Variants in SRGAP2 observed in about 807,000 individuals in gnomAD.
SRGAP2 encodes the protein SLIT-ROBO Rho GTPase-activating protein 2.
A neutral mutation model predicts 57.2 loss-of-function variants in SRGAP2; 15 were observed. That is an observed-to-expected ratio of 0.26 (90% CI 0.18 to 0.40). The LOEUF is 0.40. Among genes scored for constraint, SRGAP2 ranks in the 10% least tolerant of loss-of-function variants. The pLI is 1.00. For missense variants in SRGAP2, 520 were observed against 669.6 expected (o/e 0.78, Z 2.47); for synonymous variants, 249 against 248.0 (o/e 1.00, Z -0.04).
chr1:206,353,798 A>ATTT (rs566625693), intron 4 of SRGAP2, among the ~76,000 whole-genome samples: 76 of 127,294 alleles, frequency 6.0e-4, no homozygotes, highest in African/African-American at 1.9e-3. Flanking sequence ...TTTATTTCAG[A>ATTT]TTTTTTTTTT....
At chr1:206,240,322 C>G (rs1375347933) in intron 2 of SRGAP2, among the ~76,000 whole-genome samples, 2 of 149,022 alleles carry the variant, frequency 1.3e-5, no homozygotes, top group African/African-American at 4.9e-5. Context: ...GGGTTTTATT[C>G]TGAACTGTGT....
At position 206,306,993 on chromosome 1, in the gene SRGAP2, T is replaced by G; in HGVS notation, c.260+3520T>G. On this transcript the variant is annotated intron_variant, in intron 3 of 22. Transcript: ENST00000573034. ...CTTGAGCTAAACACAGGGTGCTGAT[T>G]GGTGTATTTACAAACCTTGAGCTAG... is the stretch of plus-strand genomic sequence containing the variant. 2.0e-5 allele frequency among the ~76,000 whole-genome samples: 3 copies of G among 151,500 alleles called. No individual in the cohort carries two copies. The South Asian group carries it at 6.3e-4, about 32-fold the overall frequency.
At chr1:206,223,013 A>T (rs1186831048) in intron 2 of SRGAP2, among the ~76,000 whole-genome samples, 1 of 151,378 alleles carries the variant, frequency 6.6e-6, no homozygotes, top group Non-Finnish European at 1.5e-5. Context: ...ACCTCAAGTG[A>T]TCCTCCCACC....
rs782288908 is a variant in SRGAP2, at chr1:206,464,409, CAAAAT to C, written c.*2996_*3000del. On this transcript the variant is annotated 3_prime_UTR_variant, in exon 23 of 23. Transcript: ENST00000573034. Reference sequence around the variant, plus strand: ...TTGGGGAAAATCCAAAGCACAACTTCAAAATAAAATACATTTTTAGGTTTCGATGC... The same window carrying C: ...TTGGGGAAAATCCAAAGCACAACTTCAAAATACATTTTTAGGTTTCGATGC... The C allele has an allele frequency of 2.0e-5, 3 of 152,608 alleles. No individual in the cohort carries two copies. The highest frequency in any genetic ancestry group is 4.4e-5 in the Non-Finnish European group (3 of 68,032). 9.5% of individuals were successfully genotyped at this position (152,608 alleles called of 1,614,324 possible). A position where few individuals can be genotyped will look rare whatever the true frequency, so the allele number is the denominator to read the frequency against.
chr1:206,331,579 T>C (rs1313430346), intron 3 of SRGAP2, among the ~76,000 whole-genome samples: 1 of 150,172 alleles, frequency 6.7e-6, no homozygotes, highest in East Asian at 2.0e-4. Flanking sequence ...TCTTTGTCTC[T>C]TTTGATCTTT....
intron 11 of SRGAP2, 109 bp downstream of exon 11, chr1:206,416,082 A>C: frequency 3.2e-6 from 2 of 625,902 alleles, no homozygotes; most frequent in Admixed American, 5.6e-5. Context: ...TTGTTGTATG[A>C]ATGCCTTTCT....
intron 3 of SRGAP2, among the ~76,000 whole-genome samples, chr1:206,307,108 C>T (rs1448669453): frequency 1.5e-4 from 22 of 151,646 alleles, no homozygotes; most frequent in Non-Finnish European, 2.1e-4. Context: ...TACAGAGTGT[C>T]GATTGGTGCA....
intron 2 of SRGAP2, among the ~76,000 whole-genome samples, chr1:206,290,362 A>G (rs1485422731): frequency 6.6e-6 from 1 of 152,160 alleles, no homozygotes; most frequent in Non-Finnish European, 1.5e-5. Flanking sequence ...AGAAATGTAT[A>G]TAAGTCGGGC....
intron 2 of SRGAP2, among the ~76,000 whole-genome samples, chr1:206,253,784 C>T (rs1438424710): frequency 4.0e-5 from 6 of 151,162 alleles, no homozygotes; most frequent in African/African-American, 1.5e-4. Flanking sequence ...CGGGTTTCAC[C>T]GTGTTAACCA....
chr1:206,414,212 T>A (rs1474615759), intron 10 of SRGAP2, among the ~76,000 whole-genome samples: 1 of 151,842 alleles, frequency 6.6e-6, no homozygotes, highest in African/African-American at 2.4e-5. Flanking sequence ...TTTTTGTATT[T>A]TTTTGTTAGA....
chr1:206,224,299 C>T (rs1269505361), intron 2 of SRGAP2, among the ~76,000 whole-genome samples: 2 of 151,434 alleles, frequency 1.3e-5, no homozygotes, highest in Non-Finnish European at 2.9e-5. Context: ...ATCAACTATT[C>T]CACAAAATAA....
chr1:206,331,559 G>GT (rs1330629386), intron 3 of SRGAP2, among the ~76,000 whole-genome samples: 2 of 150,754 alleles, frequency 1.3e-5, no homozygotes, highest in Non-Finnish European at 2.9e-5. Flanking sequence ...TTACCATTAT[G>GT]TAACGGCCTT....
intron 4 of SRGAP2, among the ~76,000 whole-genome samples, chr1:206,357,590 T>C (rs1271089660): frequency 6.8e-6 from 1 of 146,260 alleles, no homozygotes; most frequent in Non-Finnish European, 1.5e-5. Context: ...GTCTTTTTTT[T>C]TTTTTTTTTT....
chr1:206,306,473 G>A (rs1402169301), intron 3 of SRGAP2, among the ~76,000 whole-genome samples: 1 of 152,134 alleles, frequency 6.6e-6, no homozygotes, highest in Admixed American at 6.5e-5. Context: ...TAAAAGCAGC[G>A]TGGACCCAAA....
chr1:206,325,321 C>T (rs1359908061), intron 3 of SRGAP2, among the ~76,000 whole-genome samples: 1 of 151,894 alleles, frequency 6.6e-6, no homozygotes, highest in Non-Finnish European at 1.5e-5. Context: ...GTGATGTACT[C>T]TGAGATTTTC....
At chr1:206,411,867 A>G (rs1659253317) in intron 10 of SRGAP2, among the ~76,000 whole-genome samples, 1 of 152,222 alleles carries the variant, frequency 6.6e-6, no homozygotes. Context: ...AAAGATGCTT[A>G]GGGAAGGGAT....
intron 2 of SRGAP2, among the ~76,000 whole-genome samples, chr1:206,254,416 G>A (rs1185165445): frequency 1.4e-5 from 2 of 144,138 alleles, no homozygotes; most frequent in Non-Finnish European, 3.0e-5. Flanking sequence ...TTAGTGACTA[G>A]TAACCTCCAC....
intron 3 of SRGAP2, among the ~76,000 whole-genome samples, chr1:206,314,244 C>T (rs1553325295): frequency 6.6e-6 from 1 of 151,762 alleles, no homozygotes; most frequent in African/African-American, 2.4e-5. Context: ...AAGCTATTCT[C>T]CTGCCTCAGC....
At chr1:206,307,092 G>A (rs1322291613) in intron 3 of SRGAP2, among the ~76,000 whole-genome samples, 5 of 151,752 alleles carry the variant, frequency 3.3e-5, no homozygotes, top group African/African-American at 1.2e-4. Context: ...CACCAGAGCA[G>A]CTAGATACAG....
Sources: allele counts gnomAD v4.1 joint callset (sites outside exome capture counted in the v4.1 genomes callset), GRCh38; gene constraint gnomAD v4.1.1; transcripts MANE v1.5; gene names NCBI Gene and HGNC (gene_info 2026-07-23, HGNC 2026-07-21).